PCDHGA5: variants seen among roughly 807,000 people sequenced by gnomAD.
PCDHGA5 encodes the protein protocadherin gamma subfamily A, 5.
A neutral mutation model predicts 56.7 loss-of-function variants in PCDHGA5; 36 were observed. The ratio of observed to expected loss-of-function variants is 0.64; its 90% CI spans 0.49 to 0.84. PCDHGA5 has a LOEUF of 0.84. Among genes scored for constraint, PCDHGA5 ranks in the 40% least tolerant of loss-of-function variants. The pLI is 0.00. For missense variants in PCDHGA5, 1,305 were observed against 1,201.5 expected (o/e 1.09, Z -1.27); for synonymous variants, 563 against 520.2 (o/e 1.08, Z -1.12).
chr5:141,393,263 A>C, intron 1 of PCDHGA5: 1 of 1,613,926 alleles, frequency 6.2e-7, no homozygotes, highest in Non-Finnish European at 8.5e-7. Flanking sequence ...TTCCTGGAGC[A>C]CGTTATCCAC....
intron 1 of PCDHGA5, chr5:141,375,550 C>T (rs770616547): frequency 2.5e-6 from 4 of 1,614,066 alleles, no homozygotes; most frequent in Middle Eastern, 1.6e-4. Context: ...AAGTCTCCTA[C>T]TCACTGGCAG....
Position 141,366,535 on chromosome 5 carries a change from G to T in PCDHGA5, c.2205G>T (p.Val735=), listed in dbSNP as rs1463456881. ...CTGAAGGCAGCAGGTTGGCGGGTGT[G>T]CCCGCCTCGCACTTTGTGGGCGTGG... ...LQAEGSRLAG[V]PASHFVGVDG... is the part of the protein sequence containing the mutation. Residue 735 remains valine (V), a synonymous_variant, in exon 1 of 4, where the codon GTG becomes GTT. Coordinates refer to ENST00000518069, the MANE Select transcript of PCDHGA5 (RefSeq NM_018918.3). The T allele has an allele frequency of 1.2e-6, 2 of 1,614,262 alleles. No homozygotes were observed.
chr5:141,383,492 G>C (rs1012277194), intron 1 of PCDHGA5: 3 of 1,613,178 alleles, frequency 1.9e-6, no homozygotes, highest in Non-Finnish European at 2.5e-6. Flanking sequence ...GTGCTGGAGC[G>C]GGTGCTGGAC....
intron 1 of PCDHGA5, among the ~76,000 whole-genome samples, chr5:141,448,043 G>A (rs1000669754): frequency 3.3e-5 from 5 of 151,870 alleles, no homozygotes; most frequent in African/African-American, 1.2e-4. Context: ...CCAAGATCAT[G>A]CCATTGCTCT....
chr5:141,453,997 A>C (rs1332821058), intron 1 of PCDHGA5, among the ~76,000 whole-genome samples: 2 of 152,242 alleles, frequency 1.3e-5, no homozygotes, highest in Non-Finnish European at 2.9e-5. Context: ...TGATAAACCC[A>C]CATAACATTT....
intron 2 of PCDHGA5, among the ~76,000 whole-genome samples, chr5:141,504,359 A>C (rs988295720): frequency 2.6e-5 from 4 of 152,044 alleles, no homozygotes; most frequent in African/African-American, 9.7e-5. Flanking sequence ...TAGGTGCTTC[A>C]GTAGGAAGCA....
At chr5:141,421,979 G>C in intron 1 of PCDHGA5, 1 of 1,609,702 alleles carries the variant, frequency 6.2e-7, no homozygotes, top group Non-Finnish European at 8.5e-7. Flanking sequence ...TATCGCGTGA[G>C]TGTTCCAGAA....
chr5:141,511,241 C>A lies in PCDHGA5; in HGVS notation c.*68C>A. On this transcript the variant is annotated 3_prime_UTR_variant, in exon 4 of 4. Coordinates refer to ENST00000518069, the MANE Select transcript of PCDHGA5 (RefSeq NM_018918.3). ...CCAGCCCAGCTTCTCCTTACCTGCA[C>A]CCAGGCCTCAGAGTTTCAGGGCTAA... 1 of 1,585,212 alleles carries A rather than the reference C, an allele frequency of 6.3e-7. No individual in the cohort carries two copies. The highest frequency in any genetic ancestry group is 8.6e-7 in the Non-Finnish European group (1 of 1,165,762).
rs1461835311 is a variant in PCDHGA5 at position 141,364,532 on chromosome 5, T to A, written c.202T>A (p.Ser68Thr). 2 of 1,613,962 alleles carry A rather than the reference T, an allele frequency of 1.2e-6. No individual in the cohort carries two copies. The change falls in exon 1 of 4, where the codon TCC (serine) becomes ACC (threonine). Residue 68 changes from serine (S) to threonine (T), a missense_variant. Physicochemically the swap from Ser to Thr is moderately conservative, Grantham distance 58 (BLOSUM62 1). Coordinates refer to ENST00000518069, the MANE Select transcript of PCDHGA5 (RefSeq NM_018918.3). ...ELAERGVRIV[S>T]RGRTQLFALN... ...GGCGGAGCGCGGAGTCCGCATCGTCTCCAGAGGTAGGACGCAGCTTTTTGC... is the reference window on the plus strand; with the variant it reads ...GGCGGAGCGCGGAGTCCGCATCGTCACCAGAGGTAGGACGCAGCTTTTTGC...
intron 1 of PCDHGA5, among the ~76,000 whole-genome samples, chr5:141,464,625 T>C (rs1477206347): frequency 6.6e-6 from 1 of 152,190 alleles, no homozygotes; most frequent in East Asian, 1.9e-4. Context: ...TGTCAAGCTT[T>C]TTAATTGTTG....
chr5:141,470,023 G>A (rs1258101057), intron 1 of PCDHGA5, among the ~76,000 whole-genome samples: 1 of 152,110 alleles, frequency 6.6e-6, no homozygotes, highest in Admixed American at 6.6e-5. Context: ...CAGCTACTCG[G>A]GATGCTGAGG....
intron 1 of PCDHGA5, chr5:141,398,901 C>T: frequency 9.9e-6 from 16 of 1,613,954 alleles, no homozygotes; most frequent in Non-Finnish European, 1.3e-5. Flanking sequence ...TGCCACCAGG[C>T]ACCACTGTGT....
chr5:141,372,091 C>A, intron 1 of PCDHGA5: 2 of 1,613,774 alleles, frequency 1.2e-6, no homozygotes, highest in Non-Finnish European at 1.7e-6. Flanking sequence ...CTGTACCCAG[C>A]TCTGGGGCCC....
intron 1 of PCDHGA5, chr5:141,389,112 C>G (rs376966829): frequency 1.2e-6 from 2 of 1,613,966 alleles, no homozygotes; most frequent in Non-Finnish European, 1.7e-6. Context: ...TGTTCTAGAC[C>G]GCGAGCAGAA....
intron 1 of PCDHGA5, chr5:141,413,350 G>C: frequency 6.2e-7 from 1 of 1,613,974 alleles, no homozygotes; most frequent in South Asian, 1.1e-5. Context: ...CTTGGGTCTG[G>C]CGCCCCGGGA....
chr5:141,466,148 G>A (rs1201643685), intron 1 of PCDHGA5, among the ~76,000 whole-genome samples: 1 of 151,814 alleles, frequency 6.6e-6, no homozygotes, highest in Non-Finnish European at 1.5e-5. Flanking sequence ...GAAAACTCTG[G>A]TCTTAAACTG....
chr5:141,373,326 G>A (rs1419997594), intron 1 of PCDHGA5, among the ~76,000 whole-genome samples: 3 of 152,172 alleles, frequency 2.0e-5, no homozygotes, highest in East Asian at 3.8e-4. Context: ...AGAAATAATG[G>A]CATCTAAAAT....
At chr5:141,391,727 TTTGTAGTCATACTTA>T (rs1212107227) in intron 1 of PCDHGA5, 1 of 152,206 alleles carries the variant, frequency 6.6e-6, no homozygotes. Context: ...AACAGACTTT[TTTGTAGTCATACTTA>T]TCCTTTGGCT....
Position 141,491,608 on chromosome 5 carries a change from C to T in PCDHGA5, c.2422-3199C>T. On this transcript the variant is annotated intron_variant, in intron 1 of 3. Transcript: ENST00000518069. This position sits in a 1 kb window ranked among gnomAD's most constrained non-coding sequence, Gnocchi z 6.9. Reference sequence around the variant, plus strand: ...CTCGGACGGCAGTGACTTCACTTTTCTAAGACCCCTCAGCGTTCAGCAGCC... The same window carrying T: ...CTCGGACGGCAGTGACTTCACTTTTTTAAGACCCCTCAGCGTTCAGCAGCC... 6.2e-7 allele frequency: 1 copy of T among 1,613,942 alleles called. No individual in the cohort carries two copies. The highest frequency in any genetic ancestry group is 1.1e-5 in the South Asian group (1 of 91,086).
Sources: gnomAD v4.1 joint callset for allele counts (sites outside exome capture counted in the v4.1 genomes callset) on GRCh38, gnomAD v4.1.1 for gene constraint, Gnocchi (gnomAD v3.1) non-coding constraint, MANE v1.5 for transcripts, NCBI Gene and HGNC (gene_info 2026-07-23, HGNC 2026-07-21) for gene names.